Variants in FHIT observed in about 807,000 individuals in gnomAD.
FHIT encodes the protein fragile histidine triad diadenosine triphosphatase, also known as bis(5'-adenosyl)-triphosphatase.
A neutral mutation model predicts 17.9 loss-of-function variants in FHIT; 19 were observed. That is an observed-to-expected ratio of 1.06 (90% CI 0.74 to 1.56). The LOEUF is 1.56. FHIT is among the 40% of genes most tolerant of loss of function. The pLI is 0.00. For synonymous variants in FHIT, 81 were observed against 69.7 expected (o/e 1.16, Z -0.81); for missense variants, 248 against 189.2 (o/e 1.31, Z -1.82).
chr3:60,849,548 G>A (rs782739575), intron 3 of FHIT, among the ~76,000 whole-genome samples: 1 of 151,398 alleles, frequency 6.6e-6, no homozygotes, highest in African/African-American at 2.4e-5. Context: ...GAGTAAGTGA[G>A]GTTTTTACTT....
At chr3:60,628,165 T>A (rs1420545904) in intron 4 of FHIT, among the ~76,000 whole-genome samples, 2 of 152,204 alleles carry the variant, frequency 1.3e-5, no homozygotes, top group African/African-American at 4.8e-5. Flanking sequence ...ATCAATGACA[T>A]AAAATTGTTT....
intron 8 of FHIT, among the ~76,000 whole-genome samples, chr3:59,761,606 ATTTTATTT>A: frequency 7.0e-6 from 1 of 142,220 alleles, no homozygotes; most frequent in African/African-American, 2.9e-5. Context: ...TTAGCAATTT[ATTTTATTT>A]TTTTTTTTTC....
intron 4 of FHIT, among the ~76,000 whole-genome samples, chr3:60,807,620 A>C (rs192194131): frequency 1.3e-5 from 2 of 152,206 alleles, no homozygotes; most frequent in Admixed American, 1.3e-4. Flanking sequence ...TTTCCTGACC[A>C]GTTCAGCATT....
At chr3:61,131,112 C>A (rs2036751277) in intron 2 of FHIT, among the ~76,000 whole-genome samples, 2 of 152,194 alleles carry the variant, frequency 1.3e-5, no homozygotes, top group South Asian at 4.1e-4. Flanking sequence ...TCTACTATCC[C>A]TTAGAAGTAA....
At chr3:60,942,407 G>GAT (rs1340704759) in intron 3 of FHIT, among the ~76,000 whole-genome samples, 3 of 152,188 alleles carry the variant, frequency 2.0e-5, no homozygotes, top group East Asian at 3.9e-4. Flanking sequence ...GTATATCATG[G>GAT]ATATATATAC....
At chr3:60,429,363 G>A (rs1702791949) in intron 5 of FHIT, among the ~76,000 whole-genome samples, 1 of 152,020 alleles carries the variant, frequency 6.6e-6, no homozygotes, top group African/African-American at 2.4e-5. Context: ...AATTCTATTG[G>A]AAGACTGTCC....
rs191434071 is a variant in FHIT, at chr3:60,319,203, G to T, written c.103+217657C>A. Among the ~76,000 whole-genome samples, 326 of 152,176 alleles carry T rather than the reference G, an allele frequency of 2.1e-3. 3 individuals are homozygous for T. Among genetic ancestry groups the T allele is most frequent in the African/African-American group, 7.5e-3 (310 of 41,546 alleles). Reference sequence around the variant, plus strand: ...GGACATACTTGGGGGCCATCACTCAGCCTACCATAATCTCTTTGGATTTTC... The same window carrying T: ...GGACATACTTGGGGGCCATCACTCATCCTACCATAATCTCTTTGGATTTTC... On this transcript the variant is annotated intron_variant, in intron 5 of 9. Transcript: ENST00000492590.
chr3:60,818,186 C>T (rs926512710), intron 4 of FHIT, among the ~76,000 whole-genome samples: 7 of 152,086 alleles, frequency 4.6e-5, no homozygotes. Context: ...GTTAAAATAG[C>T]CACTTTAAAA....
intron 2 of FHIT, among the ~76,000 whole-genome samples, chr3:61,057,090 A>G (rs1038660391): frequency 1.3e-5 from 2 of 152,258 alleles, no homozygotes; most frequent in African/African-American, 4.8e-5. Flanking sequence ...CAAGCTGTGT[A>G]GAACCTTTGA....
At chr3:60,615,910 G>T (rs2038937477) in intron 4 of FHIT, among the ~76,000 whole-genome samples, 1 of 152,178 alleles carries the variant, frequency 6.6e-6, no homozygotes, top group South Asian at 2.1e-4. Flanking sequence ...GTGAGATGTG[G>T]AAGAAAAAGA....
At chr3:60,370,878 T>G (rs1259753144) in intron 5 of FHIT, among the ~76,000 whole-genome samples, 1 of 152,222 alleles carries the variant, frequency 6.6e-6, no homozygotes, top group Non-Finnish European at 1.5e-5. Flanking sequence ...GTACTAAGTA[T>G]TCCCACACAT....
chr3:60,912,723 C>A, intron 3 of FHIT: 1 of 514,422 alleles, frequency 1.9e-6, no homozygotes, highest in Non-Finnish European at 3.9e-6. Context: ...ACTAACTAGC[C>A]CTTCCATTAG....
At chr3:60,744,051 G>A (rs1427377920) in intron 4 of FHIT, among the ~76,000 whole-genome samples, 3 of 151,908 alleles carry the variant, frequency 2.0e-5, no homozygotes, top group African/African-American at 7.3e-5. Flanking sequence ...CCAAGGAAGG[G>A]GGGCTATTTG....
chr3:59,854,269 C>T (rs9825867), intron 8 of FHIT, among the ~76,000 whole-genome samples: 4,165 of 152,184 alleles, frequency 0.027, 174 homozygotes, highest in African/African-American at 0.094. Flanking sequence ...ATAACTCGCC[C>T]GGAAGCATTC....
At chr3:60,123,506 G>A (rs1359914810) in intron 5 of FHIT, among the ~76,000 whole-genome samples, 4 of 151,946 alleles carry the variant, frequency 2.6e-5, no homozygotes, top group Non-Finnish European at 5.9e-5. Context: ...GTTCCTTAAG[G>A]AGAAAAAAAG....
At chr3:60,087,263 G>A (rs1021646635) in intron 5 of FHIT, among the ~76,000 whole-genome samples, 48 of 152,296 alleles carry the variant, frequency 3.2e-4, no homozygotes, top group African/African-American at 1.1e-3. Context: ...CTACACCTCT[G>A]GGCCTATGAT....
intron 5 of FHIT, among the ~76,000 whole-genome samples, chr3:60,363,250 A>T (rs1699974641): frequency 6.6e-6 from 1 of 152,130 alleles, no homozygotes; most frequent in South Asian, 2.1e-4. Context: ...TCCCCACTGA[A>T]TCACTCCCCA....
chr3:60,955,605 T>TAC (rs1553778477), intron 3 of FHIT, among the ~76,000 whole-genome samples: 952 of 84,854 alleles, frequency 0.011, 48 homozygotes, highest in South Asian at 0.017. Context: ...TACATATATA[T>TAC]ATATATATAT....
At chr3:59,782,454 C>T (rs1035184916) in intron 8 of FHIT, among the ~76,000 whole-genome samples, 1 of 152,192 alleles carries the variant, frequency 6.6e-6, no homozygotes, top group Admixed American at 6.6e-5. Context: ...ACTCAGTGCT[C>T]ATCTCACTCA....
Sources: allele counts gnomAD v4.1 joint callset (sites outside exome capture counted in the v4.1 genomes callset), GRCh38; gene constraint gnomAD v4.1.1; transcripts MANE v1.5; gene names NCBI Gene and HGNC (gene_info 2026-07-23, HGNC 2026-07-21).